KCNH7: variants seen among roughly 807,000 people sequenced by gnomAD.
The protein encoded by KCNH7 is voltage-gated inwardly rectifying potassium channel KCNH7.
KCNH7 carries 49 observed loss-of-function variants against 120.8 expected under a neutral mutation model. That is an observed-to-expected ratio of 0.41 (90% confidence interval 0.32 to 0.51). KCNH7 has a LOEUF of 0.51. KCNH7 is among the 20% of genes least tolerant of loss of function. KCNH7 has a pLI of 0.38. For synonymous variants in KCNH7, 547 were observed against 516.1 expected (o/e 1.06, Z -0.81); for missense variants, 1,097 against 1,446.6 (o/e 0.76, Z 3.92).
chr2:162,570,668 T>C (rs990977548), intron 2 of KCNH7, among the ~76,000 whole-genome samples: 4 of 152,066 alleles, frequency 2.6e-5, no homozygotes, highest in East Asian at 1.9e-4. Flanking sequence ...GCGGCTGGTA[T>C]CGGTTGTTCC....
At chr2:162,431,080 G>A (rs1688049482) in intron 8 of KCNH7, among the ~76,000 whole-genome samples, 1 of 151,908 alleles carries the variant, frequency 6.6e-6, no homozygotes, top group Admixed American at 6.6e-5. Flanking sequence ...GCAAATAGCA[G>A]CTTTTAAAAA....
At chr2:162,513,316 T>TCCCTC (rs1232737352) in intron 4 of KCNH7, among the ~76,000 whole-genome samples, 3 of 143,750 alleles carry the variant, frequency 2.1e-5, no homozygotes, top group Non-Finnish European at 3.1e-5. Flanking sequence ...CCTCCTTCCT[T>TCCCTC]CTTTCCTTCC....
At chr2:162,831,666 C>A (rs1685484167) in intron 2 of KCNH7, among the ~76,000 whole-genome samples, 1 of 152,142 alleles carries the variant, frequency 6.6e-6, no homozygotes, top group Admixed American at 6.5e-5. Flanking sequence ...ACAACAGCAA[C>A]AAAACCAAAA....
At position 162,371,850 on chromosome 2, in the gene KCNH7, A is replaced by T. The variant is rs771019746; in HGVS notation, c.3570T>A (p.Asp1190Glu). 6.2e-7 allele frequency: 1 copy of T among 1,610,156 alleles called. No homozygotes were observed. Among genetic ancestry groups the T allele is most frequent in the Non-Finnish European group, 8.5e-7 (1 of 1,176,632 alleles). Residue 1190 changes from aspartate (D) to glutamate (E), a missense_variant, in exon 16 of 16, where the codon GAT becomes GAA. By Grantham distance (45) the Asp-to-Glu change is conservative. This residue lies in a region of KCNH7 where 406 missense variants were observed against 410.5 expected (regional missense o/e 0.99). Transcript: ENST00000332142. The part of the protein sequence containing the change: ...GIVGLHRHVS[D>E]PGLPGK ...ATGATTATTTCCCTGGAAGACCAGG[A>T]TCAGAAACATGCCTATGAAGACCCA...
chr2:162,424,459 T>C (rs1184369451), intron 8 of KCNH7, among the ~76,000 whole-genome samples: 2 of 152,234 alleles, frequency 1.3e-5, no homozygotes, highest in Non-Finnish European at 2.9e-5. Flanking sequence ...TTCTGAATAT[T>C]GATCTTTGGG....
chr2:162,536,595 G>T (rs1370459593), intron 3 of KCNH7, among the ~76,000 whole-genome samples: 1 of 151,880 alleles, frequency 6.6e-6, no homozygotes, highest in African/African-American at 2.4e-5. Context: ...AGATACATTT[G>T]TCCAATAATA....
At position 162,718,290 on chromosome 2, in the gene KCNH7, A is replaced by G. The variant is rs148017986; in HGVS notation, c.307+118247T>C. 5.9e-4 allele frequency among the ~76,000 whole-genome samples: 90 copies of G among 152,088 alleles called. 1 individual carries two copies. The highest frequency in any genetic ancestry group is 2.1e-3 in the African/African-American group (89 of 41,536). On this transcript the variant is annotated intron_variant, in intron 2 of 15. Transcript: ENST00000332142. ...GCTGTAACTTCCAAGTAGTGTTTTCATCTCAAAATCAACCTACTGGCAGGT... is the reference window on the plus strand; with the variant it reads ...GCTGTAACTTCCAAGTAGTGTTTTCGTCTCAAAATCAACCTACTGGCAGGT...
intron 2 of KCNH7, among the ~76,000 whole-genome samples, chr2:162,604,880 A>G (rs1344720193): frequency 6.6e-6 from 1 of 152,146 alleles, no homozygotes; most frequent in Non-Finnish European, 1.5e-5. Flanking sequence ...CTATGTTCAA[A>G]AGAAGAAAGA....
chr2:162,676,698 A>G (rs1034973846), intron 2 of KCNH7, among the ~76,000 whole-genome samples: 1 of 151,532 alleles, frequency 6.6e-6, no homozygotes, highest in African/African-American at 2.4e-5. Context: ...TGCAAACAGA[A>G]GTACCTTGGA....
rs1338104180 is a variant in KCNH7 at position 162,746,353 on chromosome 2, T to C, written c.307+90184A>G. On this transcript the variant is annotated intron_variant, in intron 2 of 15. Coordinates refer to ENST00000332142, the MANE Select transcript of KCNH7 (RefSeq NM_033272.4). The stretch of plus-strand genomic sequence containing the variant: ...ATGAATGATTTGGACAGTAATGTTT[T>C]GAGTGTTAACATATAAAAAAGAATT... Among the ~76,000 whole-genome samples the C allele has an allele frequency of 2.0e-5, 3 of 152,288 alleles. No homozygotes were observed. In the East Asian group the frequency reaches 5.8e-4, roughly 29 times the overall value.
chr2:162,680,870 C>T (rs1178872415), intron 2 of KCNH7, among the ~76,000 whole-genome samples: 3 of 151,668 alleles, frequency 2.0e-5, no homozygotes, highest in Non-Finnish European at 4.4e-5. Context: ...CAGGAAAACG[C>T]CCATAGGGCT....
chr2:162,405,624 AT>A (rs1463981544), intron 9 of KCNH7, among the ~76,000 whole-genome samples: 1 of 151,982 alleles, frequency 6.6e-6, no homozygotes, highest in Non-Finnish European at 1.5e-5. Flanking sequence ...GTGGATTCAA[AT>A]TTTCTTGTGC....
chr2:162,430,841 G>A (rs1441870423), intron 8 of KCNH7, among the ~76,000 whole-genome samples: 1 of 151,214 alleles, frequency 6.6e-6, no homozygotes, highest in East Asian at 1.9e-4. Flanking sequence ...TTATTTTTCT[G>A]GTTTACGTGT....
intron 2 of KCNH7, among the ~76,000 whole-genome samples, chr2:162,645,806 TGA>T (rs561652000): frequency 3.4e-4 from 52 of 152,318 alleles, no homozygotes; most frequent in African/African-American, 1.2e-3. Flanking sequence ...GAGGTCACAC[TGA>T]GAGTTTCTGG....
At chr2:162,836,513 G>C in intron 2 of KCNH7, 24 bp downstream of exon 2, 1 of 1,571,316 alleles carries the variant, frequency 6.4e-7, no homozygotes, top group African/African-American at 1.4e-5. Flanking sequence ...CAAATAGAAG[G>C]AATCCTAAAT....
intron 2 of KCNH7, among the ~76,000 whole-genome samples, chr2:162,577,111 G>C (rs1693695982): frequency 2.6e-5 from 4 of 151,600 alleles, no homozygotes; most frequent in African/African-American, 9.7e-5. Flanking sequence ...GTAGAAATTG[G>C]GTCTTGCTCT....
chr2:162,483,125 A>G (rs1213287858), intron 6 of KCNH7, among the ~76,000 whole-genome samples: 1 of 152,192 alleles, frequency 6.6e-6, no homozygotes, highest in East Asian at 1.9e-4. Context: ...ATTTTAACGT[A>G]TCCTAAAACT....
chr2:162,426,953 G>A (rs1039023973), intron 8 of KCNH7, among the ~76,000 whole-genome samples: 3 of 151,932 alleles, frequency 2.0e-5, no homozygotes, highest in African/African-American at 7.2e-5. Context: ...TTTTATATAA[G>A]TGGAATTATA....
In KCNH7 at chr2:162,457,463, A is replaced by G. The variant is rs566684689; in HGVS notation, c.1129-11020T>C. Among the ~76,000 whole-genome samples the G allele has an allele frequency of 5.3e-5, 8 of 152,254 alleles. No homozygotes were observed. In the East Asian group the frequency reaches 1.4e-3, roughly 26 times the overall value. ...AAATGTAGTTTTCTTTACCAAATAC[A>G]ATTTTTCTTCATGCTAGTACACTGC... On this transcript the variant is annotated intron_variant, in intron 6 of 15. Transcript: ENST00000332142.
Sources: allele counts gnomAD v4.1 joint callset (sites outside exome capture counted in the v4.1 genomes callset), GRCh38; gene constraint gnomAD v4.1.1; regional missense constraint gnomAD v4.1.1; transcripts MANE v1.5; gene names NCBI Gene and HGNC (gene_info 2026-07-23, HGNC 2026-07-21).